Variants in LRP1B observed in about 807,000 individuals in gnomAD.
LRP1B encodes LDL receptor related protein 1B.
LRP1B carries 217 observed loss-of-function variants against 556.6 expected under a neutral mutation model. The observed-to-expected ratio is 0.39, with a 90% CI of 0.35 to 0.44. LRP1B has a LOEUF of 0.44. Among genes scored for constraint, LRP1B ranks in the 20% least tolerant of loss-of-function variants. The probability of loss-of-function intolerance (pLI) is 1.00; values close to 1 mark genes in which losing one functional copy is unlikely to be tolerated. For missense variants in LRP1B, 5,053 were observed against 5,620.8 expected, an observed-to-expected ratio of 0.90 and a Z score of 3.23; for synonymous variants, 2,047 against 1,865.8, an observed-to-expected ratio of 1.10 and a Z score of -2.50.
At chr2:141,128,383 T>A (rs933821367) in intron 7 of LRP1B, among the ~76,000 whole-genome samples, 1 of 152,148 alleles carries the variant, frequency 6.6e-6, no homozygotes, top group Admixed American at 6.6e-5. Context: ...TGGTTAACAA[T>A]TTCTCTCCTC....
intron 1 of LRP1B, among the ~76,000 whole-genome samples, chr2:141,819,256 C>CAAA (rs201026416): frequency 6.7e-6 from 1 of 148,812 alleles, no homozygotes; most frequent in African/African-American, 2.5e-5. Flanking sequence ...AACAAACAAA[C>CAAA]AAAAAAAAAA....
At chr2:141,622,192 ATTACTCTCATT>A (rs1389747354) in intron 2 of LRP1B, among the ~76,000 whole-genome samples, 1 of 152,170 alleles carries the variant, frequency 6.6e-6, no homozygotes, top group East Asian at 1.9e-4. Flanking sequence ...CGCCTGGCTC[ATTACTCTCATT>A]TTATAGCAAG....
chr2:140,252,643 G>A (rs1003349388), intron 86 of LRP1B, among the ~76,000 whole-genome samples: 10 of 152,098 alleles, frequency 6.6e-5, no homozygotes, highest in African/African-American at 2.2e-4. Flanking sequence ...TAATTTAAAT[G>A]TAAAAATATT....
chr2:141,091,727 T>C (rs1428937300), intron 7 of LRP1B, among the ~76,000 whole-genome samples: 1 of 152,086 alleles, frequency 6.6e-6, no homozygotes, highest in Admixed American at 6.6e-5. Context: ...AATGAAGGAA[T>C]ACAAATTATT....
Position 140,356,355 on chromosome 2 carries a change from G to T in LRP1B, c.11517C>A (p.Asn3839Lys), listed in dbSNP as rs185628679. ...CKPGFQRNMK[N>K]RQCEDLNECL... ...AAAGTACTCTACCTTCACATTGTCT[G>T]TTTTTCATGTTTCTCTGAAATCCAG... The change falls in exon 75 of 91, where the codon AAC becomes AAA. Residue 3839 changes from asparagine (N) to lysine (K), a missense_variant. This residue lies in a region of LRP1B where 599 missense variants were observed against 648.4 expected (regional missense o/e 0.92). Transcript: ENST00000389484. The T allele has an allele frequency of 2.6e-4, 412 of 1,610,764 alleles. 1 individual carries two copies. In the East Asian group the frequency reaches 8.0e-3, roughly 31 times the overall value.
intron 7 of LRP1B, among the ~76,000 whole-genome samples, chr2:141,145,487 A>T (rs1701758188): frequency 6.6e-6 from 1 of 152,084 alleles, no homozygotes; most frequent in African/African-American, 2.4e-5. Context: ...GTGTGCTAGC[A>T]TACCTGTCAT....
At chr2:141,672,281 G>A (rs188905486) in intron 2 of LRP1B, among the ~76,000 whole-genome samples, 111 of 152,160 alleles carry the variant, frequency 7.3e-4, no homozygotes, top group African/African-American at 2.6e-3. Flanking sequence ...GAAGAGTTGC[G>A]CTCCTCATCA....
chr2:140,358,990 T>A (rs749340986), intron 72 of LRP1B, 44 bp from the exon 73 acceptor site: 2 of 1,578,150 alleles, frequency 1.3e-6, no homozygotes, highest in South Asian at 2.2e-5. Context: ...TTCGAGTACA[T>A]TGCTTTATGA....
chr2:141,804,710 G>A (rs898502903), intron 2 of LRP1B, among the ~76,000 whole-genome samples: 1 of 152,014 alleles, frequency 6.6e-6, no homozygotes, highest in East Asian at 1.9e-4. Context: ...GCATCTGGAA[G>A]GCAGATGGGG....
At chr2:141,107,628 G>C (rs1700639793) in intron 7 of LRP1B, among the ~76,000 whole-genome samples, 1 of 150,802 alleles carries the variant, frequency 6.6e-6, no homozygotes, top group Non-Finnish European at 1.5e-5. Flanking sequence ...CCTGGCAACA[G>C]AGCAAGACTC....
In LRP1B at chr2:141,005,313, G is replaced by A. The variant is rs370936606; in HGVS notation, c.2503+22C>T. 6 of 1,606,086 alleles carry A rather than the reference G, an allele frequency of 3.7e-6. No homozygotes were observed. The African/African-American group carries it at 5.4e-5, about 14-fold the overall frequency. ...CAGAAAGAGCCCGATAAACAAATAA[G>A]GGTAACTTGAAAAGAACTTACATGT... On this transcript the variant is annotated intron_variant, in intron 15 of 90. Transcript: ENST00000389484.
chr2:140,849,417 A>C (rs1429358), intron 29 of LRP1B, among the ~76,000 whole-genome samples: 818 of 35,890 alleles, frequency 0.023, 12 homozygotes, highest in African/African-American at 0.037. Flanking sequence ...ATCCAAAAAA[A>C]AAAAAACAGG....
At chr2:140,881,640 A>C (rs1693478827) in intron 25 of LRP1B, among the ~76,000 whole-genome samples, 1 of 152,080 alleles carries the variant, frequency 6.6e-6, no homozygotes, top group East Asian at 1.9e-4. Flanking sequence ...TTGTTACCCT[A>C]TTTTAAAAAA....
At chr2:142,124,177 C>T (rs538977439) in intron 1 of LRP1B, among the ~76,000 whole-genome samples, 1 of 151,894 alleles carries the variant, frequency 6.6e-6, no homozygotes, top group Non-Finnish European at 1.5e-5. Context: ...CCTTTCTGCT[C>T]CTCTTCTTCC....
At chr2:141,141,122 C>G in intron 7 of LRP1B, among the ~76,000 whole-genome samples, 1 of 151,964 alleles carries the variant, frequency 6.6e-6, no homozygotes, top group Non-Finnish European at 1.5e-5. Context: ...TTAATTAAAA[C>G]GTCTGAAACA....
chr2:141,351,347 A>T (rs896140338), intron 3 of LRP1B, among the ~76,000 whole-genome samples: 30 of 151,918 alleles, frequency 2.0e-4, no homozygotes, highest in African/African-American at 7.3e-4. Context: ...CTACTCTTCA[A>T]CACCTTCTAT....
intron 58 of LRP1B, 113 bp from the exon 59 acceptor site, chr2:140,485,637 A>G: frequency 1.4e-6 from 1 of 721,292 alleles, no homozygotes; most frequent in Non-Finnish European, 2.2e-6. Context: ...TAAAGAATGG[A>G]ACTTAGATAA....
intron 7 of LRP1B, among the ~76,000 whole-genome samples, chr2:141,108,506 G>T (rs1169126271): frequency 1.3e-5 from 2 of 151,550 alleles, no homozygotes; most frequent in African/African-American, 4.9e-5. Context: ...CTGCCACCAT[G>T]CCCAGCTAAT....
At chr2:141,000,156 C>A (rs187637678) in intron 15 of LRP1B, among the ~76,000 whole-genome samples, 1 of 151,794 alleles carries the variant, frequency 6.6e-6, no homozygotes, top group Non-Finnish European at 1.5e-5. Context: ...TGGATTCAAG[C>A]AATCTTCCCA....
Sources: gnomAD v4.1 joint callset for allele counts (sites outside exome capture counted in the v4.1 genomes callset) on GRCh38, gnomAD v4.1.1 for gene constraint, gnomAD v4.1.1 regional missense constraint, MANE v1.5 for transcripts, NCBI Gene and HGNC (gene_info 2026-07-23, HGNC 2026-07-21) for gene names.